Variants in CSMD1 observed in about 807,000 individuals in gnomAD.
CSMD1 encodes the protein CUB and Sushi multiple domains 1.
A neutral mutation model predicts 417.5 loss-of-function variants in CSMD1; 213 were observed. The ratio of observed to expected loss-of-function variants is 0.51; its 90% CI spans 0.46 to 0.57. CSMD1 has a LOEUF of 0.57. Among genes scored for constraint, CSMD1 ranks in the 20% least tolerant of loss-of-function variants. The pLI is 0.00. For synonymous variants in CSMD1, 2,862 were observed against 1,736.8 expected (o/e 1.65, Z -16.11); for missense variants, 6,923 against 4,529.7 (o/e 1.53, Z -15.17).
intron 1 of CSMD1, among the ~76,000 whole-genome samples, chr8:4,777,930 A>G (rs548247626): frequency 4.7e-4 from 71 of 152,332 alleles, no homozygotes; most frequent in African/African-American, 1.7e-3. Context: ...ACTCCCTATA[A>G]TACGGTTGTA....
intron 1 of CSMD1, among the ~76,000 whole-genome samples, chr8:4,893,796 C>G (rs183527486): frequency 6.6e-6 from 1 of 152,168 alleles, no homozygotes; most frequent in African/African-American, 2.4e-5. Context: ...TGTTCAGATT[C>G]CAATGTCTTT....
intron 3 of CSMD1, among the ~76,000 whole-genome samples, chr8:4,209,742 C>G (rs1044953025): frequency 5.3e-5 from 8 of 152,296 alleles, no homozygotes; most frequent in African/African-American, 1.9e-4. Context: ...TGTCCTGCTC[C>G]TAGCACAGCA....
chr8:4,818,494 AG>A, intron 1 of CSMD1, among the ~76,000 whole-genome samples: 1 of 152,332 alleles, frequency 6.6e-6, no homozygotes, highest in South Asian at 2.1e-4. Context: ...GATTTAGTTT[AG>A]CATACATTAA....
chr8:3,579,972 C>T (rs893079036), intron 9 of CSMD1, among the ~76,000 whole-genome samples: 2 of 152,002 alleles, frequency 1.3e-5, no homozygotes, highest in Admixed American at 1.3e-4. Context: ...GGTGTGGTGG[C>T]AGGTGACTGT....
rs77969706 is a variant in CSMD1, at chr8:3,121,091, C to CA, written c.6242-2505dup. 2.2e-3 allele frequency among the ~76,000 whole-genome samples: 310 copies of CA among 138,810 alleles called. 7 individuals are homozygous for CA. In the East Asian group the frequency reaches 0.046, roughly 20 times the overall value. The allele number at this position is 138,810 out of a possible 152,430, so 91.1% of individuals were successfully genotyped here. A position where few individuals can be genotyped will look rare whatever the true frequency, so the allele number is the denominator to read the frequency against. ...TACACTACAGAAATCCAAACAACAACAAAAAAAAAATAGGGAGAGACTCAT... is the reference window on the plus strand; with the variant it reads ...TACACTACAGAAATCCAAACAACAACAAAAAAAAAAATAGGGAGAGACTCAT... On this transcript the variant is annotated intron_variant, in intron 41 of 69. Coordinates refer to ENST00000635120, the MANE Select transcript of CSMD1 (RefSeq NM_033225.6).
In CSMD1 at chr8:4,149,408, G is replaced by T. The variant is rs989659445; in HGVS notation, c.416-117309C>A. 2.6e-5 allele frequency among the ~76,000 whole-genome samples: 4 copies of T among 152,224 alleles called. No individual in the cohort carries two copies. In the East Asian group the frequency reaches 7.7e-4, roughly 29 times the overall value. On this transcript the variant is annotated intron_variant, in intron 3 of 69. Coordinates refer to ENST00000635120, the MANE Select transcript of CSMD1 (RefSeq NM_033225.6). ...TATATCTTAGGTGGTAACTGCCATA[G>T]CTCTGAGCAATATTTGAACGGTATT...
chr8:4,445,208 C>G (rs1425818192), intron 2 of CSMD1, among the ~76,000 whole-genome samples: 1 of 152,030 alleles, frequency 6.6e-6, no homozygotes, highest in African/African-American at 2.4e-5. Context: ...CTGGTTAAGA[C>G]TACTTTCTTC....
intron 7 of CSMD1, among the ~76,000 whole-genome samples, chr8:3,674,177 G>A (rs538465488): frequency 2.6e-5 from 4 of 152,096 alleles, no homozygotes; most frequent in Non-Finnish European, 4.4e-5. Flanking sequence ...TGAAGACTTC[G>A]AGAAAATACA....
chr8:3,269,315 G>T (rs1236909056), intron 26 of CSMD1, among the ~76,000 whole-genome samples: 3 of 152,222 alleles, frequency 2.0e-5, no homozygotes, highest in Admixed American at 1.3e-4. Flanking sequence ...GCCGAGAGCA[G>T]AGGGGAGCGA....
chr8:4,134,659 T>A (rs1280681844), intron 3 of CSMD1, among the ~76,000 whole-genome samples: 1 of 152,154 alleles, frequency 6.6e-6, no homozygotes, highest in Non-Finnish European at 1.5e-5. Context: ...ATATCTAGAA[T>A]CATTCAAATT....
chr8:3,190,990 G>A (rs368330823), intron 33 of CSMD1, among the ~76,000 whole-genome samples: 1 of 152,188 alleles, frequency 6.6e-6, no homozygotes, highest in African/African-American at 2.4e-5. Context: ...GGAAGCAACT[G>A]TTGAGTGGCT....
At chr8:4,576,415 C>G (rs549516803) in intron 2 of CSMD1, among the ~76,000 whole-genome samples, 15 of 152,386 alleles carry the variant, frequency 9.8e-5, no homozygotes, top group African/African-American at 3.6e-4. Flanking sequence ...TAGATTACCT[C>G]TTCTTGCAAA....
intron 11 of CSMD1, among the ~76,000 whole-genome samples, chr8:3,471,485 C>CTTCCTTCT (rs1383419632): frequency 2.1e-5 from 2 of 95,280 alleles, no homozygotes; most frequent in Admixed American, 1.9e-4. Context: ...GGCTTAGTTC[C>CTTCCTTCT]TTCCTTCTTT....
At chr8:3,403,052 G>A (rs960614793) in intron 15 of CSMD1, among the ~76,000 whole-genome samples, 12 of 151,932 alleles carry the variant, frequency 7.9e-5, no homozygotes, top group African/African-American at 1.5e-4. Context: ...GACTTTTTAT[G>A]GATAGACATT....
chr8:4,272,836 GATGA>G (rs1281310898), intron 3 of CSMD1, among the ~76,000 whole-genome samples: 1 of 152,072 alleles, frequency 6.6e-6, no homozygotes, highest in East Asian at 1.9e-4. Context: ...TATCAGTCTT[GATGA>G]ATAAGTCTCG....
intron 2 of CSMD1, among the ~76,000 whole-genome samples, chr8:4,550,329 GCACACACACACACACA>G (rs35196172): frequency 1.4e-5 from 2 of 139,622 alleles, no homozygotes; most frequent in African/African-American, 2.6e-5. Context: ...ATACACACAC[GCACACACACACACACA>G]CACACACACA....
At chr8:4,973,852 A>C (rs1172341455) in intron 1 of CSMD1, among the ~76,000 whole-genome samples, 3 of 152,200 alleles carry the variant, frequency 2.0e-5, no homozygotes, top group Non-Finnish European at 4.4e-5. Context: ...TATTCCTTTC[A>C]AATCAACGTG....
At chr8:4,803,251 G>T (rs78527216) in intron 1 of CSMD1, among the ~76,000 whole-genome samples, 5 of 152,122 alleles carry the variant, frequency 3.3e-5, no homozygotes, top group Admixed American at 2.6e-4. Context: ...ATGGTTTATG[G>T]TTTACTGAGA....
chr8:3,397,896 G>T (rs538874489), intron 16 of CSMD1, among the ~76,000 whole-genome samples: 17 of 152,192 alleles, frequency 1.1e-4, no homozygotes, highest in Admixed American at 1.1e-3. Context: ...CATCCTTTAA[G>T]GTGTCAGCCC....
Sources: gnomAD v4.1 joint callset for allele counts (sites outside exome capture counted in the v4.1 genomes callset) on GRCh38, gnomAD v4.1.1 for gene constraint, MANE v1.5 for transcripts, NCBI Gene and HGNC (gene_info 2026-07-23, HGNC 2026-07-21) for gene names.